The following MAP2K1 variants were observed in gnomAD, a reference collection of about 807,000 sequenced individuals.
MAP2K1 encodes the protein mitogen-activated protein kinase kinase 1.
Under a neutral mutation model 46.3 loss-of-function variants are expected in MAP2K1, and 16 were observed. The ratio of observed to expected loss-of-function variants is 0.35; its 90% CI spans 0.23 to 0.52. The LOEUF (loss-of-function observed/expected upper bound fraction) is 0.52. Among genes scored for constraint, MAP2K1 ranks in the 20% least tolerant of loss-of-function variants. The pLI, the probability that MAP2K1 is intolerant of heterozygous loss-of-function variation, is 0.94. For missense variants in MAP2K1, 263 were observed against 497.1 expected (o/e 0.53, Z 4.48); for synonymous variants, 183 against 185.6 (o/e 0.99, Z 0.11).
At chr15:66,465,999 C>G (rs959093003) in intron 5 of MAP2K1, among the ~76,000 whole-genome samples, 1 of 152,116 alleles carries the variant, frequency 6.6e-6, no homozygotes, top group African/African-American at 2.4e-5. Flanking sequence ...TGGGTGAATT[C>G]CTCTCCTCTT....
At chr15:66,392,539 GTTTTCTTTTC>G (rs1406619934) in intron 1 of MAP2K1, among the ~76,000 whole-genome samples, 1 of 144,228 alleles carries the variant, frequency 6.9e-6, no homozygotes, top group African/African-American at 2.6e-5. Flanking sequence ...TTTCTTCTTT[GTTTTCTTTTC>G]TTTTCTTTTT....
At chr15:66,393,424 CCTT>C (rs1487888476) in intron 1 of MAP2K1, among the ~76,000 whole-genome samples, 1 of 152,184 alleles carries the variant, frequency 6.6e-6, no homozygotes, top group Non-Finnish European at 1.5e-5. Flanking sequence ...GATCTGCCCT[CCTT>C]GGCCTCCCAA....
Position 66,481,784 on chromosome 15 carries a change from T to C in MAP2K1, c.598T>C (p.Ser200Pro). The C allele has an allele frequency of 2.5e-6, 4 of 1,613,370 alleles. No homozygotes were observed. Among genetic ancestry groups the C allele is most frequent in the Non-Finnish European group, 3.4e-6 (4 of 1,179,934 alleles). The change falls in exon 6 of 11, where the codon TCC (serine) becomes CCC (proline). Residue 200 changes from serine (S) to proline (P), a missense_variant. Coordinates refer to ENST00000307102, the MANE Select transcript of MAP2K1 (RefSeq NM_002755.4). ...DVKPSNILVN[S>P]RGEIKLCDFG... ...CAAGCCCTCCAACATCCTAGTCAAC[T>C]CCCGTGGGGAGATCAAGCTCTGTGA...
At position 66,443,432 on chromosome 15, in the gene MAP2K1, AG is replaced by A. The variant is rs1891774629; in HGVS notation, c.516+77del. The A allele has an allele frequency of 5.7e-5, 53 of 936,602 alleles. No homozygotes were observed. The South Asian group carries it at 6.5e-4, about 12-fold the overall frequency. The allele number at this position is 936,602 out of a possible 1,614,324, so 58.0% of individuals were successfully genotyped here. A position where few individuals can be genotyped will look rare whatever the true frequency, so the allele number is the denominator to read the frequency against. On this transcript the variant is annotated intron_variant, in intron 4 of 10. Transcript: ENST00000307102. ...TGAGTCGGTAAGAAATGGACAAGAG[AG>A]GAAGATGGGAAGTCAATGAGGGGAA... is the stretch of plus-strand genomic sequence containing the variant.
chr15:66,468,058 T>G (rs1008766157), intron 5 of MAP2K1, among the ~76,000 whole-genome samples: 3 of 152,378 alleles, frequency 2.0e-5, no homozygotes, highest in African/African-American at 7.2e-5. Flanking sequence ...GTAGCTTATC[T>G]ATCAAAGATT....
intron 6 of MAP2K1, among the ~76,000 whole-genome samples, chr15:66,483,011 C>T (rs1009886792): frequency 6.6e-5 from 10 of 152,070 alleles, no homozygotes; most frequent in Admixed American, 4.6e-4. Context: ...TGTGGTTGTC[C>T]CAGGAAATAA....
At chr15:66,410,376 G>A (rs959954293) in intron 1 of MAP2K1, among the ~76,000 whole-genome samples, 5 of 152,182 alleles carry the variant, frequency 3.3e-5, no homozygotes, top group Non-Finnish European at 5.9e-5. Context: ...GGGGTTAACT[G>A]TGTGGGTTTG....
intron 5 of MAP2K1, among the ~76,000 whole-genome samples, chr15:66,463,748 T>G (rs1480662784): frequency 6.6e-6 from 1 of 152,236 alleles, no homozygotes; most frequent in Non-Finnish European, 1.5e-5. Flanking sequence ...CCTCCCAAAG[T>G]GCTGGGATTA....
At chr15:66,470,200 G>T (rs749802440) in intron 5 of MAP2K1, among the ~76,000 whole-genome samples, 10 of 145,672 alleles carry the variant, frequency 6.9e-5, no homozygotes, top group Admixed American at 1.4e-4. Flanking sequence ...CATAGAGTTG[G>T]TCAAACCCAA....
Position 66,386,933 on chromosome 15 carries a change from G to T in MAP2K1, c.-415G>T. Reference sequence around the variant, plus strand: ...CTCCAGTCCCTCCCAGGGCCGCTTCGCAGAGCGGCTAGGAGCACGGCGGCG... The same window carrying T: ...CTCCAGTCCCTCCCAGGGCCGCTTCTCAGAGCGGCTAGGAGCACGGCGGCG... On this transcript the variant is annotated 5_prime_UTR_variant, in exon 1 of 11. Coordinates refer to ENST00000307102, the MANE Select transcript of MAP2K1 (RefSeq NM_002755.4). 4.1e-6 allele frequency: 1 copy of T among 246,902 alleles called. No homozygotes were observed. The highest frequency in any genetic ancestry group is 7.8e-6 in the Non-Finnish European group (1 of 128,326). 15.3% of individuals were successfully genotyped at this position (246,902 alleles called of 1,614,324 possible).
At chr15:66,437,746 G>A (rs1319291549) in intron 3 of MAP2K1, among the ~76,000 whole-genome samples, 1 of 152,192 alleles carries the variant, frequency 6.6e-6, no homozygotes, top group African/African-American at 2.4e-5. Flanking sequence ...TCATTGTAAT[G>A]ATCACGAAGT....
chr15:66,481,865 A>G lies in MAP2K1; in HGVS notation c.679A>G (p.Arg227Gly), dbSNP rs2140668315. 6.2e-7 allele frequency: 1 copy of G among 1,613,970 alleles called. No individual in the cohort carries two copies. Among genetic ancestry groups the G allele is most frequent in the Non-Finnish European group, 8.5e-7 (1 of 1,179,882 alleles). Residue 227 changes from arginine to glycine, a missense_variant, in exon 6 of 11, where the codon AGG becomes GGG. Around this residue, in one of 4 missense-constraint regions of MAP2K1, gnomAD observed 11 missense variants for 52.6 expected, o/e 0.21. Transcript: ENST00000307102. ...DSMANSFVGT[R>G]SYMSPERLQG... ...CATGGCCAACTCCTTCGTGGGCACA[A>G]GGTCCTACATGTCGGTATGAACAGA...
In MAP2K1 at chr15:66,431,972, T is replaced by C. The variant is rs539537676; in HGVS notation, c.81-3055T>C. On this transcript the variant is annotated intron_variant, in intron 1 of 10. Transcript: ENST00000307102. ...TTGGTTTTGTATACCTGCGTTAGTT[T>C]GCTGAGAATAATGACCTCCAGCTCC... 2.6e-5 allele frequency among the ~76,000 whole-genome samples: 4 copies of C among 152,308 alleles called. No homozygotes were observed. The East Asian group carries it at 7.7e-4, about 29-fold the overall frequency.
At chr15:66,457,132 T>G (rs1162478165) in intron 5 of MAP2K1, among the ~76,000 whole-genome samples, 1 of 152,198 alleles carries the variant, frequency 6.6e-6, no homozygotes, top group Admixed American at 6.5e-5. Context: ...TTATTTTTAT[T>G]TTTTGAGACC....
At chr15:66,417,107 T>C (rs2093426430) in intron 1 of MAP2K1, among the ~76,000 whole-genome samples, 1 of 152,176 alleles carries the variant, frequency 6.6e-6, no homozygotes, top group African/African-American at 2.4e-5. Context: ...CAAAGACTTA[T>C]TTCCCCACCC....
intron 1 of MAP2K1, among the ~76,000 whole-genome samples, chr15:66,400,840 G>A (rs2140525493): frequency 6.6e-6 from 1 of 152,320 alleles, no homozygotes; most frequent in Non-Finnish European, 1.5e-5. Context: ...GTCAGGTTAA[G>A]AAGAGGTCAC....
chr15:66,487,183 T>C (rs750675460), intron 7 of MAP2K1, 45 bp from the exon 8 acceptor site: 1 of 1,544,020 alleles, frequency 6.5e-7, no homozygotes, highest in Non-Finnish European at 9.0e-7. Context: ...TATTAACAAG[T>C]AATCTGTTTC....
At chr15:66,433,065 A>C (rs577844699) in intron 1 of MAP2K1, among the ~76,000 whole-genome samples, 2 of 150,362 alleles carry the variant, frequency 1.3e-5, no homozygotes, top group African/African-American at 4.9e-5. Flanking sequence ...CTGTAACCTC[A>C]CTCAGGTTTT....
At chr15:66,464,697 G>T (rs1892417513) in intron 5 of MAP2K1, among the ~76,000 whole-genome samples, 1 of 151,248 alleles carries the variant, frequency 6.6e-6, no homozygotes, top group African/African-American at 2.4e-5. Context: ...GGCTAATTTT[G>T]TATTTTTAGT....
Sources: allele counts gnomAD v4.1 joint callset (sites outside exome capture counted in the v4.1 genomes callset), GRCh38; gene constraint gnomAD v4.1.1; regional missense constraint gnomAD v4.1.1; transcripts MANE v1.5; gene names NCBI Gene and HGNC (gene_info 2026-07-23, HGNC 2026-07-21).